The following UHRF2 variants were observed in gnomAD, a reference collection of about 807,000 sequenced individuals.
UHRF2 encodes the protein ubiquitin like with PHD and ring finger domains 2, also known as E3 ubiquitin-protein ligase UHRF2.
Under a neutral mutation model 96.8 loss-of-function variants are expected in UHRF2, and 23 were observed. The ratio of observed to expected loss-of-function variants is 0.24; its 90% confidence interval spans 0.17 to 0.34. The LOEUF (loss-of-function observed/expected upper bound fraction) is 0.34. UHRF2 is among the 10% of genes least tolerant of loss of function. The probability of loss-of-function intolerance (pLI) is 1.00; values close to 1 mark genes in which losing one functional copy is unlikely to be tolerated. For missense variants in UHRF2, 685 were observed against 981.5 expected, an observed-to-expected ratio of 0.70 and a Z score of 4.04; for synonymous variants, 385 against 332.6, an observed-to-expected ratio of 1.16 and a Z score of -1.72.
intron 14 of UHRF2, among the ~76,000 whole-genome samples, chr9:6,503,222 C>T (rs1213609087): frequency 6.6e-6 from 1 of 152,180 alleles, no homozygotes; most frequent in East Asian, 1.9e-4. Context: ...TCTAGCACTC[C>T]TGACCTCAAA....
chr9:6,421,048 C>G lies in UHRF2; in HGVS notation c.290C>G (p.Pro97Arg), dbSNP rs756065325. 20 of 1,614,126 alleles carry G rather than the reference C, an allele frequency of 1.2e-5. No individual in the cohort carries two copies. Among genetic ancestry groups the G allele is most frequent in the Non-Finnish European group, 1.7e-5 (20 of 1,180,032 alleles). Residue 97 changes from proline to arginine, a missense_variant, in exon 2 of 16, where the codon CCT becomes CGT. By Grantham distance (103) the Pro-to-Arg change is moderately radical. This residue lies in a region of UHRF2 where 391 missense variants were observed against 437.0 expected (regional missense o/e 0.89). Transcript: ENST00000276893. ...GCTAAACCCTGTTCTAATAGTCCAC[C>G]TAAAGTAAAGAAAGCTCCGAGGGTA... is the stretch of plus-strand genomic sequence containing the variant. ...IEAKPCSNSP[P>R]KVKKAPRVGP...
chr9:6,472,820 T>A (rs896627394), intron 4 of UHRF2, among the ~76,000 whole-genome samples: 3 of 152,210 alleles, frequency 2.0e-5, no homozygotes, highest in Admixed American at 2.0e-4. Flanking sequence ...TTTGTAATAT[T>A]CTAATTTTGG....
At chr9:6,485,001 C>T (rs933565491) in intron 8 of UHRF2, among the ~76,000 whole-genome samples, 2 of 151,790 alleles carry the variant, frequency 1.3e-5, no homozygotes, top group Admixed American at 1.3e-4. Context: ...CCATGTTGGT[C>T]AGGCTGGTCT....
intron 3 of UHRF2, among the ~76,000 whole-genome samples, chr9:6,446,028 C>T (rs1351220826): frequency 2.3e-5 from 3 of 132,132 alleles, no homozygotes; most frequent in African/African-American, 3.1e-5. Context: ...GTCTCACTCC[C>T]GTCACCCAGG....
intron 2 of UHRF2, among the ~76,000 whole-genome samples, chr9:6,427,832 A>AT (rs1359106848): frequency 2.6e-5 from 4 of 152,232 alleles, no homozygotes; most frequent in Admixed American, 1.3e-4. Flanking sequence ...TGGAGAGCCT[A>AT]TGAAAGATTG....
intron 3 of UHRF2, among the ~76,000 whole-genome samples, chr9:6,441,357 C>T (rs191914500): frequency 6.1e-4 from 92 of 150,164 alleles, no homozygotes; most frequent in African/African-American, 2.2e-3. Flanking sequence ...TTGGGTGACA[C>T]GGTGAAAACC....
intron 4 of UHRF2, among the ~76,000 whole-genome samples, chr9:6,474,698 C>G (rs776594394): frequency 2.0e-5 from 3 of 152,112 alleles, no homozygotes; most frequent in Non-Finnish European, 2.9e-5. Context: ...GAGCGAGACT[C>G]CATCTCAATA....
chr9:6,417,081 G>A (rs1819650645), intron 1 of UHRF2, among the ~76,000 whole-genome samples: 1 of 152,072 alleles, frequency 6.6e-6, no homozygotes, highest in Non-Finnish European at 1.5e-5. Context: ...TATAATATGT[G>A]ATGGATACGT....
chr9:6,501,607 G>A (rs547513589), intron 14 of UHRF2, among the ~76,000 whole-genome samples: 7 of 152,204 alleles, frequency 4.6e-5, no homozygotes, highest in Admixed American at 1.3e-4. Flanking sequence ...TATTGGAATC[G>A]TTACTTCCTT....
intron 3 of UHRF2, among the ~76,000 whole-genome samples, chr9:6,459,264 T>A (rs1822374676): frequency 6.6e-6 from 1 of 152,018 alleles, no homozygotes; most frequent in Admixed American, 6.6e-5. Context: ...TCAGGGAAAA[T>A]GGAGACTATC....
At chr9:6,486,716 C>A (rs2130926860) in intron 8 of UHRF2, 105 bp from the exon 9 acceptor site, 1 of 1,043,354 alleles carries the variant, frequency 9.6e-7, no homozygotes, top group East Asian at 2.6e-5. Flanking sequence ...CTCTGTGAGA[C>A]TCACTTCTTG....
At chr9:6,431,082 G>C (rs560067102) in intron 2 of UHRF2, among the ~76,000 whole-genome samples, 2 of 152,206 alleles carry the variant, frequency 1.3e-5, no homozygotes, top group Admixed American at 1.3e-4. Context: ...AATCATACAG[G>C]CCTAAGTATT....
At chr9:6,504,015 CTTTTTTTTTTTTTTTTT>C (rs35325264) in intron 14 of UHRF2, among the ~76,000 whole-genome samples, 1 of 78,958 alleles carries the variant, frequency 1.3e-5, no homozygotes, top group African/African-American at 6.0e-5. Context: ...AAATAGAAGA[CTTTTTTTTTTTTTTTTT>C]TTTTTTTTTT....
At chr9:6,475,212 C>G (rs1218875401) in intron 4 of UHRF2, among the ~76,000 whole-genome samples, 179 bp from the exon 5 acceptor site, 1 of 152,046 alleles carries the variant, frequency 6.6e-6, no homozygotes, top group East Asian at 1.9e-4. Context: ...TGAATGTTAA[C>G]TAATCACTAT....
chr9:6,494,492 C>G (rs1329671384), intron 10 of UHRF2: 1 of 152,070 alleles, frequency 6.6e-6, no homozygotes, highest in African/African-American at 2.4e-5. Context: ...TACAAAAGAG[C>G]CACCGTGTGC....
chr9:6,426,831 C>G (rs1212101664), intron 2 of UHRF2, among the ~76,000 whole-genome samples: 1 of 152,166 alleles, frequency 6.6e-6, no homozygotes, highest in African/African-American at 2.4e-5. Context: ...TCACTGCAAC[C>G]TCTGCCTCCT....
chr9:6,500,338 TG>T (rs752001077), intron 13 of UHRF2, among the ~76,000 whole-genome samples: 2 of 152,070 alleles, frequency 1.3e-5, no homozygotes, highest in African/African-American at 4.8e-5. Flanking sequence ...AGGATTTGGC[TG>T]GGGGGGCATG....
chr9:6,460,785 T>A lies in UHRF2; in HGVS notation c.857T>A (p.Phe286Tyr), dbSNP rs148698153. Residue 286 changes from phenylalanine (F) to tyrosine (Y), a missense_variant, in exon 4 of 16, where the codon TTC becomes TAC. Transcript: ENST00000276893. ...AAAAAAGAACTTCGTGTGAAAATTT[T>A]CCTGGGGTAAGATTGTCTTCACTGG... ...RTKKELRVKIFLGGSEGTLND... is the reference protein window; with the variant it reads ...RTKKELRVKIYLGGSEGTLND... The A allele has an allele frequency of 4.7e-5, 75 of 1,612,092 alleles. No homozygotes were observed. The highest frequency in any genetic ancestry group is 5.8e-5 in the Non-Finnish European group (68 of 1,179,464).
intron 3 of UHRF2, among the ~76,000 whole-genome samples, chr9:6,455,582 A>G (rs926716506): frequency 6.6e-6 from 1 of 152,258 alleles, no homozygotes; most frequent in Admixed American, 6.5e-5. Context: ...TATTGTGAAT[A>G]GTGCTGCAGT....
Sources: gnomAD v4.1 joint callset for allele counts (sites outside exome capture counted in the v4.1 genomes callset) on GRCh38, gnomAD v4.1.1 for gene constraint, gnomAD v4.1.1 regional missense constraint, MANE v1.5 for transcripts, NCBI Gene and HGNC (gene_info 2026-07-23, HGNC 2026-07-21) for gene names.